Variants in ATG10 observed in about 807,000 individuals in gnomAD.
The protein encoded by ATG10 is autophagy related 10.
ATG10 carries 30 observed loss-of-function variants against 32.1 expected under a neutral mutation model. The observed-to-expected ratio is 0.94, with a 90% CI of 0.70 to 1.27. The LOEUF (loss-of-function observed/expected upper bound fraction) is 1.27. Ranked by LOEUF, ATG10 falls within the 50% of genes most tolerant of loss-of-function variation. The probability of loss-of-function intolerance (pLI) is 0.00; values close to 1 mark genes in which losing one functional copy is unlikely to be tolerated. For synonymous variants in ATG10, 87 were observed against 91.5 expected, an observed-to-expected ratio of 0.95 and a Z score of 0.28; for missense variants, 233 against 262.3, an observed-to-expected ratio of 0.89 and a Z score of 0.77.
chr5:81,991,413 G>A (rs930006105), intron 2 of ATG10, among the ~76,000 whole-genome samples: 3 of 151,978 alleles, frequency 2.0e-5, no homozygotes, highest in African/African-American at 7.3e-5. Context: ...CGTATCTATA[G>A]ACCTGTGAAC....
At chr5:82,236,937 A>G (rs1746577461) in intron 5 of ATG10, among the ~76,000 whole-genome samples, 1 of 151,912 alleles carries the variant, frequency 6.6e-6, no homozygotes, top group Non-Finnish European at 1.5e-5. Flanking sequence ...ATTTTTTTCT[A>G]TGTATATTCT....
chr5:82,033,215 A>G (rs1663504964), intron 2 of ATG10, among the ~76,000 whole-genome samples: 1 of 152,308 alleles, frequency 6.6e-6, no homozygotes, highest in Admixed American at 6.5e-5. Flanking sequence ...AATGCAATAC[A>G]ATTTTTATAT....
chr5:82,014,088 C>G (rs1331938586), intron 2 of ATG10, among the ~76,000 whole-genome samples: 1 of 152,010 alleles, frequency 6.6e-6, no homozygotes, highest in African/African-American at 2.4e-5. Flanking sequence ...AGTTATGTAC[C>G]CAGTAGTCAT....
chr5:82,201,416 T>A (rs576734732), intron 5 of ATG10, among the ~76,000 whole-genome samples: 4 of 152,342 alleles, frequency 2.6e-5, no homozygotes, highest in Admixed American at 6.5e-5. Context: ...CTAAGCTTTC[T>A]TGATTCAGTT....
At chr5:82,228,895 G>A (rs1193281860) in intron 5 of ATG10, among the ~76,000 whole-genome samples, 1 of 152,150 alleles carries the variant, frequency 6.6e-6, no homozygotes, top group Non-Finnish European at 1.5e-5. Context: ...ATATTTTCCT[G>A]AGTACCAGCT....
intron 3 of ATG10, among the ~76,000 whole-genome samples, chr5:82,065,249 G>A (rs564929934): frequency 6.6e-6 from 1 of 152,258 alleles, no homozygotes; most frequent in East Asian, 1.9e-4. Flanking sequence ...ACTTTGGGAG[G>A]CCGAGTCGGG....
At chr5:82,109,693 A>G (rs1765552757) in intron 3 of ATG10, among the ~76,000 whole-genome samples, 1 of 151,824 alleles carries the variant, frequency 6.6e-6, no homozygotes. Flanking sequence ...TACATTAGAT[A>G]ACCAGAAATA....
At chr5:82,191,331 T>C (rs2149946001) in intron 5 of ATG10, among the ~76,000 whole-genome samples, 1 of 152,358 alleles carries the variant, frequency 6.6e-6, no homozygotes, top group East Asian at 1.9e-4. Context: ...GAACATTGTT[T>C]CTGCTGTCCA....
intron 2 of ATG10, among the ~76,000 whole-genome samples, chr5:82,009,300 T>C (rs1252531031): frequency 2.0e-5 from 3 of 152,290 alleles, no homozygotes; most frequent in Middle Eastern, 3.4e-3. Flanking sequence ...ATTTTTTTTC[T>C]CGTTAAGGTA....
chr5:82,060,974 CT>C (rs75058962), intron 3 of ATG10, among the ~76,000 whole-genome samples: 9,541 of 152,162 alleles, frequency 0.063, 383 homozygotes, highest in Non-Finnish European at 0.09. Context: ...AATTATGATT[CT>C]TTTTAAAATT....
At position 82,093,493 on chromosome 5, in the gene ATG10, GCTCAGGGGATGAC is replaced by G. The variant is rs765604961; in HGVS notation, c.216+34892_216+34904del. Among the ~76,000 whole-genome samples, 354 of 152,216 alleles carry G rather than the reference GCTCAGGGGATGAC, an allele frequency of 2.3e-3. 2 individuals are homozygous for G. Among genetic ancestry groups the G allele is most frequent in the Non-Finnish European group, 3.3e-3 (224 of 67,998 alleles). ...CTTAACATGTTCAAACCTTCCTCTA[GCTCAGGGGATGAC>G]AAATGGCAGCCCATGAGTCAAATCT... On this transcript the variant is annotated intron_variant, in intron 3 of 7. Transcript: ENST00000282185.
In ATG10 at chr5:82,135,378, T is replaced by C. The variant is rs187311975; in HGVS notation, c.217-29021T>C. Among the ~76,000 whole-genome samples the C allele has an allele frequency of 4.4e-3, 669 of 152,274 alleles. 5 individuals carry two copies. Among genetic ancestry groups the C allele is most frequent in the African/African-American group, 0.014 (598 of 41,554 alleles). On this transcript the variant is annotated intron_variant, in intron 3 of 7. Coordinates refer to ENST00000282185, the MANE Select transcript of ATG10 (RefSeq NM_031482.5). ...TGGGCATTTTAGTGCTATAAATTTT[T>C]CTCTAAGCGCTGCTTTAGCTGTGTC...
chr5:81,979,732 C>A, intron 1 of ATG10, among the ~76,000 whole-genome samples: 1 of 100,316 alleles, frequency 1.0e-5, no homozygotes. Context: ...TCTTTCTAGT[C>A]TTTAAATTAA....
At chr5:82,213,382 C>T (rs2149981920) in intron 5 of ATG10, among the ~76,000 whole-genome samples, 1 of 152,298 alleles carries the variant, frequency 6.6e-6, no homozygotes, top group Non-Finnish European at 1.5e-5. Flanking sequence ...GGTGAGCTTC[C>T]TTCCTCTGGC....
chr5:82,206,404 T>A (rs144166833), intron 5 of ATG10, among the ~76,000 whole-genome samples: 6,734 of 151,982 alleles, frequency 0.044, 154 homozygotes, highest in Middle Eastern at 0.058. Context: ...TCCCAGCAAT[T>A]TGGGAGGCTG....
chr5:82,037,233 A>ATTTT (rs1762953183), intron 2 of ATG10, among the ~76,000 whole-genome samples: 1 of 53,724 alleles, frequency 1.9e-5, no homozygotes, highest in African/African-American at 6.2e-5. Context: ...GATCTCATTT[A>ATTTT]CTTTTTTTTT....
At chr5:82,185,303 G>C (rs898291091) in intron 5 of ATG10, among the ~76,000 whole-genome samples, 30 of 152,154 alleles carry the variant, frequency 2.0e-4, no homozygotes, top group Non-Finnish European at 1.5e-5. Flanking sequence ...AACTTTGGAG[G>C]TTCTTTATTT....
chr5:82,047,038 A>G (rs937998476), intron 2 of ATG10, among the ~76,000 whole-genome samples: 1 of 151,694 alleles, frequency 6.6e-6, no homozygotes, highest in Non-Finnish European at 1.5e-5. Context: ...CTAAGCCTTT[A>G]AGAATAATTC....
intron 2 of ATG10, among the ~76,000 whole-genome samples, chr5:82,007,791 C>T (rs1762024968): frequency 6.6e-6 from 1 of 151,830 alleles, no homozygotes; most frequent in Non-Finnish European, 1.5e-5. Flanking sequence ...CTTTACTTTG[C>T]CTACCCATTT....
Sources: gnomAD v4.1 joint callset for allele counts (sites outside exome capture counted in the v4.1 genomes callset) on GRCh38, gnomAD v4.1.1 for gene constraint, MANE v1.5 for transcripts, NCBI Gene and HGNC (gene_info 2026-07-23, HGNC 2026-07-21) for gene names.